The following FHOD3 variants were observed in gnomAD, a reference collection of about 807,000 sequenced individuals.
FHOD3 encodes the protein FH1/FH2 domain-containing protein 3.
In FHOD3, 90 loss-of-function variants were observed where a neutral mutation model predicts 173.0. The ratio of observed to expected loss-of-function variants is 0.52; its 90% CI spans 0.44 to 0.62. The LOEUF is 0.62. FHOD3 is among the 20% of genes least tolerant of loss of function. FHOD3 has a pLI of 0.00. For missense variants in FHOD3, 1,945 were observed against 2,034.7 expected (o/e 0.96, Z 0.85); for synonymous variants, 828 against 823.0 (o/e 1.01, Z -0.10).
intron 27 of FHOD3, among the ~76,000 whole-genome samples, chr18:36,768,491 T>C (rs965982655): frequency 2.0e-5 from 3 of 152,156 alleles, no homozygotes; most frequent in Non-Finnish European, 4.4e-5. Context: ...ATGCACAGAT[T>C]TGGATATACT....
intron 3 of FHOD3, among the ~76,000 whole-genome samples, chr18:36,408,599 A>G (rs555268715): frequency 2.0e-5 from 3 of 152,244 alleles, no homozygotes; most frequent in African/African-American, 7.2e-5. Context: ...CTGAAGACCA[A>G]TGTAGTGAGT....
At chr18:36,591,600 C>A (rs1468034911) in intron 6 of FHOD3, among the ~76,000 whole-genome samples, 1 of 152,110 alleles carries the variant, frequency 6.6e-6, no homozygotes, top group Non-Finnish European at 1.5e-5. Context: ...GCGTCTGTAG[C>A]AATTTCAGGT....
chr18:36,461,763 G>A (rs1237469163), intron 3 of FHOD3, among the ~76,000 whole-genome samples: 1 of 152,144 alleles, frequency 6.6e-6, no homozygotes, highest in Non-Finnish European at 1.5e-5. Context: ...TTTCCTTGCA[G>A]AACTGGGGTT....
intron 3 of FHOD3, among the ~76,000 whole-genome samples, chr18:36,414,346 A>G (rs2049512683): frequency 6.6e-6 from 1 of 152,222 alleles, no homozygotes; most frequent in Non-Finnish European, 1.5e-5. Flanking sequence ...TGAAAACCAA[A>G]TCCTACTGAC....
intron 28 of FHOD3, among the ~76,000 whole-genome samples, chr18:36,770,930 T>C (rs2043349991): frequency 6.6e-6 from 1 of 152,214 alleles, no homozygotes. Context: ...TATTTCATTT[T>C]TTAAATGGAA....
intron 19 of FHOD3, among the ~76,000 whole-genome samples, chr18:36,726,163 T>C (rs558633894): frequency 6.6e-6 from 1 of 150,674 alleles, no homozygotes; most frequent in Admixed American, 6.6e-5. Context: ...TAAATATACA[T>C]GTTACATATA....
intron 4 of FHOD3, among the ~76,000 whole-genome samples, chr18:36,511,148 C>G (rs1356975188): frequency 6.6e-6 from 1 of 152,140 alleles, no homozygotes; most frequent in Admixed American, 6.5e-5. Flanking sequence ...CCATTTACAT[C>G]ACTGAGGTTT....
At chr18:36,426,677 A>T (rs771933629) in intron 3 of FHOD3, among the ~76,000 whole-genome samples, 15 of 152,200 alleles carry the variant, frequency 9.9e-5, no homozygotes, top group Non-Finnish European at 1.5e-5. Context: ...TGTTCATTCA[A>T]TTCCTACCTT....
At chr18:36,308,754 A>G (rs1177650037) in intron 1 of FHOD3, among the ~76,000 whole-genome samples, 1 of 152,232 alleles carries the variant, frequency 6.6e-6, no homozygotes, top group Non-Finnish European at 1.5e-5. Flanking sequence ...TCTGTTACAT[A>G]GTAAGCCCCA....
chr18:36,641,011 G>T (rs1253425115), intron 10 of FHOD3, among the ~76,000 whole-genome samples: 1 of 152,142 alleles, frequency 6.6e-6, no homozygotes, highest in Non-Finnish European at 1.5e-5. Context: ...CTTCTTCTCT[G>T]CAACATGGGG....
At chr18:36,551,537 C>T (rs538389053) in intron 5 of FHOD3, among the ~76,000 whole-genome samples, 19 of 151,252 alleles carry the variant, frequency 1.3e-4, no homozygotes, top group African/African-American at 4.4e-4. Context: ...CTTTTGTTGC[C>T]GTTGCTTTTG....
intron 24 of FHOD3, among the ~76,000 whole-genome samples, chr18:36,750,411 A>G (rs904426563): frequency 2.0e-5 from 3 of 152,232 alleles, no homozygotes; most frequent in African/African-American, 7.2e-5. Flanking sequence ...ATAGTGTGCA[A>G]AAATTTTCGC....
At position 36,652,936 on chromosome 18, in the gene FHOD3, T is replaced by G. The variant is rs1327295581; in HGVS notation, c.1646+7T>G. The G allele has an allele frequency of 6.5e-7, 1 of 1,526,752 alleles. No homozygotes were observed. The highest frequency in any genetic ancestry group is 1.4e-5 in the African/African-American group (1 of 72,964). 94.6% of individuals were successfully genotyped at this position (1,526,752 alleles called of 1,614,324 possible). The stretch of plus-strand genomic sequence containing the variant: ...AGTCCCAGAAGGAAAACAGGTAGAT[T>G]TGCTCACCTGGAGGCTTGTTTGAGA... On this transcript the variant is annotated splice_region_variant and intron_variant, in intron 12 of 28. Transcript: ENST00000590592.
chr18:36,480,565 GT>G (rs2053827903), intron 3 of FHOD3, among the ~76,000 whole-genome samples: 1 of 152,174 alleles, frequency 6.6e-6, no homozygotes, highest in African/African-American at 2.4e-5. Context: ...TCCATTTACA[GT>G]TTTTTAAGCT....
chr18:36,474,989 ACACACACACACACAC>A, intron 3 of FHOD3, among the ~76,000 whole-genome samples: 1 of 42,098 alleles, frequency 2.4e-5, no homozygotes, highest in Non-Finnish European at 4.1e-5. Context: ...ACACACATAC[ACACACACACACACAC>A]ACACACACAC....
At chr18:36,348,346 T>A (rs2145625298) in intron 1 of FHOD3, among the ~76,000 whole-genome samples, 1 of 152,300 alleles carries the variant, frequency 6.6e-6, no homozygotes, top group Non-Finnish European at 1.5e-5. Flanking sequence ...TAGAGCTGTA[T>A]GTGCCTGAAG....
chr18:36,390,831 C>G lies in FHOD3; in HGVS notation c.337+18087C>G, dbSNP rs73949463. Among the ~76,000 whole-genome samples, 8 of 152,224 alleles carry G rather than the reference C, an allele frequency of 5.3e-5. No individual in the cohort carries two copies. The East Asian group carries it at 1.4e-3, about 26-fold the overall frequency. The stretch of plus-strand genomic sequence containing the variant: ...AAGGGGAAGTAGGAAGTTATTAAAC[C>G]GTCAGACTCTTGGGGGTGGGGAGAA... On this transcript the variant is annotated intron_variant, in intron 3 of 28. Transcript: ENST00000590592.
intron 1 of FHOD3, among the ~76,000 whole-genome samples, chr18:36,313,634 C>T (rs1216407671): frequency 6.6e-6 from 1 of 152,208 alleles, no homozygotes; most frequent in Non-Finnish European, 1.5e-5. Flanking sequence ...GCAGTTTCCC[C>T]TGGTATGGAT....
Position 36,693,285 on chromosome 18 carries a change from G to A in FHOD3, c.2098G>A (p.Ala700Thr). 2 of 1,613,858 alleles carry A rather than the reference G, an allele frequency of 1.2e-6. No individual in the cohort carries two copies. Among genetic ancestry groups the A allele is most frequent in the African/African-American group, 1.3e-5 (1 of 75,062 alleles). Residue 700 changes from alanine to threonine, a missense_variant, in exon 17 of 29, where the codon GCC becomes ACC. Coordinates refer to ENST00000590592, the MANE Select transcript of FHOD3 (RefSeq NM_001281740.3). ...AAGCCGGAGTGTGAGCCGGGGCAGA[G>A]CCGACCTCTCCTTGGACCTGACCTC... ...LRSRSVSRGR[A>T]DLSLDLTSPA...
Sources: gnomAD v4.1 joint callset for allele counts (sites outside exome capture counted in the v4.1 genomes callset) on GRCh38, gnomAD v4.1.1 for gene constraint, MANE v1.5 for transcripts, NCBI Gene and HGNC (gene_info 2026-07-23, HGNC 2026-07-21) for gene names.